Variants in RUVBL2 observed in about 807,000 individuals in gnomAD.
RUVBL2 encodes ruvB-like 2.
Under a neutral mutation model 57.9 loss-of-function variants are expected in RUVBL2, and 9 were observed. The observed-to-expected ratio is 0.16, with a 90% CI of 0.09 to 0.27. The LOEUF is 0.27. Among genes scored for constraint, RUVBL2 ranks in the 10% least tolerant of loss-of-function variants. RUVBL2 has a pLI of 1.00. For synonymous variants in RUVBL2, 278 were observed against 264.6 expected (o/e 1.05, Z -0.49); for missense variants, 456 against 669.6 (o/e 0.68, Z 3.52).
upstream of RUVBL2, chr19:48,993,503 G>A (rs2038984697): frequency 2.3e-6 from 1 of 429,522 alleles, no homozygotes; most frequent in Non-Finnish European, 4.4e-6. Context: ...TTGCCGCTGC[G>A]CTTTACGGAA....
rs747750379 is a variant in RUVBL2 at position 49,009,892 on chromosome 19, CAG to C, written c.569+11_569+12del. Reference sequence around the variant, plus strand: ...ACAAGGTCCAGGCCGGGTGAGCAGTCAGGGGCCATGCCAGGCAGCCAGGGGGA... The same window carrying C: ...ACAAGGTCCAGGCCGGGTGAGCAGTCGGGCCATGCCAGGCAGCCAGGGGGA... On this transcript the variant is annotated intron_variant, in intron 7 of 14. Transcript: ENST00000595090. 14 of 1,613,754 alleles carry C rather than the reference CAG, an allele frequency of 8.7e-6. No individual in the cohort carries two copies. The highest frequency in any genetic ancestry group is 1.7e-4 in the Middle Eastern group (1 of 6,060).
Position 49,007,029 on chromosome 19 carries a change from G to A in RUVBL2, c.277G>A (p.Ala93Thr), listed in dbSNP as rs776896965. Residue 93 changes from alanine (A) to threonine (T), a missense_variant, in exon 5 of 15, where the codon GCC becomes ACC. Physicochemically the swap from Ala to Thr is moderately conservative, Grantham distance 58. Coordinates refer to ENST00000595090, the MANE Select transcript of RUVBL2 (RefSeq NM_006666.3). ...KTAIAMGMAQ[A>T]LGPDTPFTAI... ...TGCCTCCTTCCCAGGCATGGCGCAG[G>A]CCCTGGGCCCTGACACGCCATTCAC... 6.2e-7 allele frequency: 1 copy of A among 1,612,976 alleles called. No homozygotes were observed. The highest frequency in any genetic ancestry group is 2.2e-5 in the East Asian group (1 of 44,886).
At chr19:49,001,315 C>T (rs2122593959) in intron 2 of RUVBL2, 1 of 151,550 alleles carries the variant, frequency 6.6e-6, no homozygotes, top group South Asian at 2.1e-4. Flanking sequence ...GCGCCCGCCA[C>T]CATGCCCGGC....
At chr19:49,003,407 G>A (rs1012836574) in intron 3 of RUVBL2, 73 bp downstream of exon 3, 11 of 1,361,306 alleles carry the variant, frequency 8.1e-6, no homozygotes, top group African/African-American at 2.9e-5. Flanking sequence ...AGGGTCCTGG[G>A]GAGTGTGGGG....
intron 4 of RUVBL2, among the ~76,000 whole-genome samples, chr19:49,004,809 T>G (rs910646411): frequency 2.0e-5 from 3 of 152,164 alleles, no homozygotes; most frequent in African/African-American, 7.2e-5. Context: ...TCTGCTTATA[T>G]CTCATTATCT....
intron 5 of RUVBL2, 70 bp from the exon 6 acceptor site, chr19:49,007,232 G>A: frequency 6.2e-7 from 1 of 1,608,060 alleles, no homozygotes; most frequent in Non-Finnish European, 8.5e-7. Context: ...TTGTCCCAGA[G>A]CTCATGGAAG....
At chr19:48,995,999 A>G (rs959402457) in intron 1 of RUVBL2, among the ~76,000 whole-genome samples, 1 of 147,464 alleles carries the variant, frequency 6.8e-6, no homozygotes, top group Admixed American at 6.7e-5. Context: ...AAAAAAAAAA[A>G]AAAGAAAAGA....
Position 49,004,319 on chromosome 19 carries a change from G to T in RUVBL2, c.166G>T (p.Ala56Ser). The T allele has an allele frequency of 6.2e-7, 1 of 1,610,838 alleles. No individual in the cohort carries two copies. The highest frequency in any genetic ancestry group is 2.2e-5 in the East Asian group (1 of 44,864). Reference sequence around the variant, plus strand: ...GGGTCAGCTGGCGGCACGGCGGGCGGCTGGCGTGGTGCTGGAGATGATCCG... The same window carrying T: ...GGGTCAGCTGGCGGCACGGCGGGCGTCTGGCGTGGTGCTGGAGATGATCCG... ...MVGQLAARRA[A>S]GVVLEMIREG... Residue 56 changes from alanine (A) to serine (S), a missense_variant, in exon 4 of 15, where the codon GCT (alanine) becomes TCT (serine). Physicochemically the swap from Ala to Ser is moderately conservative, Grantham distance 99. Around this residue, in one of 5 missense-constraint regions of RUVBL2, gnomAD observed 233 missense variants for 306.0 expected, o/e 0.76. Transcript: ENST00000595090.
At position 49,015,161 on chromosome 19, in the gene RUVBL2, C is replaced by T. The variant is rs561911290; in HGVS notation, c.1251+11C>T. The T allele has an allele frequency of 2.2e-5, 35 of 1,603,694 alleles. No homozygotes were observed. The highest frequency in any genetic ancestry group is 1.8e-4 in the East Asian group (8 of 43,988). ...TGCCGGAAACGCAAGGTCAGCCGGCCGAATTAGCCAGCAGGGCCAGATGGC... is the reference window on the plus strand; with the variant it reads ...TGCCGGAAACGCAAGGTCAGCCGGCTGAATTAGCCAGCAGGGCCAGATGGC... On this transcript the variant is annotated intron_variant, in intron 13 of 14. Transcript: ENST00000595090.
At chr19:49,012,541 C>T (rs902565703) in intron 11 of RUVBL2, among the ~76,000 whole-genome samples, 4 of 152,124 alleles carry the variant, frequency 2.6e-5, no homozygotes, top group African/African-American at 9.7e-5. Context: ...ACGGGCAGCC[C>T]TGATTGTTCG....
In RUVBL2 at chr19:49,007,352, G is replaced by T. The variant is rs1162317101; in HGVS notation, c.446G>T (p.Arg149Leu). 2 of 1,613,960 alleles carry T rather than the reference G, an allele frequency of 1.2e-6. No homozygotes were observed. Among genetic ancestry groups the T allele is most frequent in the South Asian group, 1.1e-5 (1 of 90,970 alleles). ...EGEVVEIQID[R>L]PATGTGSKVG... ...GAGGTGGTGGAGATCCAGATTGATC[G>T]ACCAGCAACAGGGACGGTGAGTCTG... is the stretch of plus-strand genomic sequence containing the variant. The change falls in exon 6 of 15, where the codon CGA becomes CTA. Residue 149 changes from arginine (R) to leucine (L), a missense_variant. Arg to Leu is a moderately radical substitution (Grantham distance 102, BLOSUM62 -2). Coordinates refer to ENST00000595090, the MANE Select transcript of RUVBL2 (RefSeq NM_006666.3).
At chr19:48,993,590 G>T, upstream of RUVBL2, 1 of 517,234 alleles carries the variant, frequency 1.9e-6, no homozygotes, top group Non-Finnish European at 3.5e-6. Context: ...GGATAAAGAG[G>T]AAAGGAGCGT....
rs964609182 is a variant in RUVBL2, at chr19:48,993,992, A to C, written c.12+69A>C. ...CGAGTTTGAGAGAGGAGGATGCTGG[A>C]GGCCCTGACTCCTGGGTCTGAGGGA... On this transcript the variant is annotated intron_variant, in intron 1 of 14. Transcript: ENST00000595090. 11 of 1,572,006 alleles carry C rather than the reference A, an allele frequency of 7.0e-6. No individual in the cohort carries two copies. The South Asian group carries it at 8.9e-5, about 13-fold the overall frequency.
Position 49,011,044 on chromosome 19 carries a change from C to T in RUVBL2, c.833C>T (p.Ala278Val). ...TCAGAAGTCCGTGAGCAGATCAATG[C>T]CAAGGTGGCTGAGTGGCGCGAGGAG... ...IKSEVREQIN[A>V]KVAEWREEGK... The change falls in exon 10 of 15, where the codon GCC (alanine) becomes GTC (valine). Residue 278 changes from alanine (A) to valine (V), a missense_variant. This residue lies in a region of RUVBL2 where 130 missense variants were observed against 243.0 expected (regional missense o/e 0.53). Transcript: ENST00000595090. The surrounding 1 kb of genome is among the most constrained non-coding windows in gnomAD (Gnocchi z 4.4). The T allele has an allele frequency of 6.2e-7, 1 of 1,613,386 alleles. No individual in the cohort carries two copies. The highest frequency in any genetic ancestry group is 8.5e-7 in the Non-Finnish European group (1 of 1,179,934).
upstream of RUVBL2, chr19:48,993,868 G>T: frequency 6.2e-7 from 1 of 1,613,940 alleles, no homozygotes; most frequent in Non-Finnish European, 8.5e-7. Flanking sequence ...CTCGCTCCTC[G>T]CGCGTTTCCG....
intron 12 of RUVBL2, 100 bp from the exon 13 acceptor site, chr19:49,014,921 T>A: frequency 7.6e-6 from 11 of 1,440,310 alleles, no homozygotes; most frequent in Non-Finnish European, 1.0e-5. Flanking sequence ...AGGCGCCACA[T>A]ATTCCCAGTG....
intron 1 of RUVBL2, chr19:48,994,261 C>A: frequency 2.8e-6 from 1 of 363,384 alleles, no homozygotes; most frequent in Non-Finnish European, 5.1e-6. Context: ...GTTGTAGGAC[C>A]TTGCGCTTCG....
At chr19:49,006,132 G>A (rs1427142635) in intron 4 of RUVBL2, among the ~76,000 whole-genome samples, 1 of 152,252 alleles carries the variant, frequency 6.6e-6, no homozygotes, top group African/African-American at 2.4e-5. Context: ...GGCCGTGCTC[G>A]TCCACTCAGC....
Position 49,007,204 on chromosome 19 carries a change from C to T in RUVBL2, c.395+57C>T, listed in dbSNP as rs1032743814. ...CCCAGAGCCTGGGAGCAACCCCGCA[C>T]CCCGGGCGGCTCGTCCTTTGTCCCA... On this transcript the variant is annotated intron_variant, in intron 5 of 14. Coordinates refer to ENST00000595090, the MANE Select transcript of RUVBL2 (RefSeq NM_006666.3). 24 of 1,608,834 alleles carry T rather than the reference C, an allele frequency of 1.5e-5. No individual in the cohort carries two copies. The African/African-American group carries it at 2.4e-4, about 16-fold the overall frequency.
Sources: gnomAD v4.1 joint callset for allele counts (sites outside exome capture counted in the v4.1 genomes callset) on GRCh38, gnomAD v4.1.1 for gene constraint, gnomAD v4.1.1 regional missense constraint, Gnocchi (gnomAD v3.1) non-coding constraint, MANE v1.5 for transcripts, NCBI Gene and HGNC (gene_info 2026-07-23, HGNC 2026-07-21) for gene names.